The following TCF20 variants were observed in gnomAD, a reference collection of about 807,000 sequenced individuals.
TCF20 encodes the protein SPRE-binding protein.
In TCF20, 3 loss-of-function variants were observed where a neutral mutation model predicts 148.6. That is an observed-to-expected ratio of 0.02 (90% CI 0.01 to 0.05). TCF20 has a LOEUF of 0.05. TCF20 is among the 10% of genes least tolerant of loss of function. The pLI is 1.00. For synonymous variants in TCF20, 1,049 were observed against 909.5 expected, an observed-to-expected ratio of 1.15 and a Z score of -2.76; for missense variants, 2,350 against 2,429.3, an observed-to-expected ratio of 0.97 and a Z score of 0.69.
chr22:42,230,828 A>T (rs1414580376), intron 1 of TCF20, among the ~76,000 whole-genome samples: 1 of 152,192 alleles, frequency 6.6e-6, no homozygotes, highest in Admixed American at 6.5e-5. Context: ...AGTTTTTAAC[A>T]AAAGTGTTTA....
chr22:42,321,946 TAAAA>T (rs201888819), intron 1 of TCF20, among the ~76,000 whole-genome samples: 3 of 138,540 alleles, frequency 2.2e-5, no homozygotes, highest in African/African-American at 7.9e-5. Flanking sequence ...GACTCCATCT[TAAAA>T]AAAAAAAAAG....
At chr22:42,336,691 C>T (rs1374687432) in intron 1 of TCF20, among the ~76,000 whole-genome samples, 3 of 152,196 alleles carry the variant, frequency 2.0e-5, no homozygotes, top group Non-Finnish European at 4.4e-5. Context: ...CCACCATACT[C>T]CAGCCACAAT....
At position 42,323,467 on chromosome 22, in the gene TCF20, G is replaced by A. The variant is rs546592940; in HGVS notation, c.-37+20012C>T. Among the ~76,000 whole-genome samples, 3 of 151,892 alleles carry A rather than the reference G, an allele frequency of 2.0e-5. 1 individual carries two copies. Among genetic ancestry groups the A allele is most frequent in the Admixed American group, 6.6e-5 (1 of 15,234 alleles). On this transcript the variant is annotated intron_variant, in intron 1 of 1. Transcript: ENST00000515426. Reference sequence around the variant, plus strand: ...GGGCACCTGTCAGCTGAGGGAACAGGAGGACGGTGGAAGAGATGGGAGTGC... The same window carrying A: ...GGGCACCTGTCAGCTGAGGGAACAGAAGGACGGTGGAAGAGATGGGAGTGC...
intron 1 of TCF20, among the ~76,000 whole-genome samples, chr22:42,309,522 T>G (rs1927494651): frequency 1.4e-5 from 2 of 146,560 alleles, no homozygotes; most frequent in Non-Finnish European, 3.0e-5. Flanking sequence ...TCGCCCCCGC[T>G]GCCCCAGGCT....
upstream of TCF20, among the ~76,000 whole-genome samples, chr22:42,288,518 G>C (rs1927072726): frequency 1.6e-5 from 2 of 126,596 alleles, no homozygotes; most frequent in Admixed American, 1.9e-4. Context: ...CCTGGCAATA[G>C]AGCAAGACTC....
rs1927476029 is a variant in TCF20, at chr22:42,308,546, C to A, written c.-37+34933G>T. 2.0e-5 allele frequency among the ~76,000 whole-genome samples: 3 copies of A among 152,126 alleles called. No homozygotes were observed. The South Asian group carries it at 6.2e-4, about 32-fold the overall frequency. ...AAGCACCCTAGGTGAAGCCACGAAT[C>A]CAACCCCAGAGTCTGGGCTTTACCT... On this transcript the variant is annotated intron_variant, in intron 1 of 1. Coordinates refer to the TCF20 transcript ENST00000515426.
At chr22:42,237,772 G>A (rs1924014223) in intron 1 of TCF20, among the ~76,000 whole-genome samples, 1 of 152,218 alleles carries the variant, frequency 6.6e-6, no homozygotes, top group Non-Finnish European at 1.5e-5. Context: ...GCTCTTAGGT[G>A]ACCAGGTATA....
chr22:42,259,105 TTCC>T (rs1925898976), intron 1 of TCF20, among the ~76,000 whole-genome samples: 1 of 152,202 alleles, frequency 6.6e-6, no homozygotes, highest in Non-Finnish European at 1.5e-5. Context: ...CGAAAAAGTC[TTCC>T]CTGGTTCCAT....
chr22:42,296,795 G>A (rs1210712747), intron 1 of TCF20, among the ~76,000 whole-genome samples: 1 of 152,244 alleles, frequency 6.6e-6, no homozygotes, highest in African/African-American at 2.4e-5. Flanking sequence ...ACGCTGCAGG[G>A]GGACCCAGGA....
chr22:42,246,230 G>A (rs935701513), intron 1 of TCF20, among the ~76,000 whole-genome samples: 10 of 152,082 alleles, frequency 6.6e-5, no homozygotes, highest in African/African-American at 2.4e-4. Flanking sequence ...CTCAGCCTCC[G>A]TGTAGCTGGC....
chr22:42,229,836 C>G (rs1253651062), intron 1 of TCF20, among the ~76,000 whole-genome samples: 2 of 152,156 alleles, frequency 1.3e-5, no homozygotes, highest in Non-Finnish European at 2.9e-5. Context: ...GTCCATACAC[C>G]ATTACCTGGT....
Position 42,211,868 on chromosome 22 carries a change from G to T in TCF20, c.3438C>A (p.Gly1146=), listed in dbSNP as rs1287462969. The change falls in exon 2 of 6, where the codon GGC becomes GGA. Residue 1146 remains glycine (G), a synonymous_variant. Transcript: ENST00000677622. ...GGTCATGGTAAGTCCCCACTGGTGG[G>T]CCATACATCATACCATCTTTGTCAT... ...LKNDKDGMMY[G]PPVGTYHDPS... 6.2e-7 allele frequency: 1 copy of T among 1,614,024 alleles called. No homozygotes were observed. The highest frequency in any genetic ancestry group is 2.2e-5 in the East Asian group (1 of 44,886).
intron 3 of TCF20, among the ~76,000 whole-genome samples, chr22:42,176,081 C>T (rs865851849): frequency 2.0e-5 from 3 of 152,342 alleles, no homozygotes; most frequent in Middle Eastern, 3.4e-3. Context: ...CAGGTGTGAG[C>T]CACCACACCT....
chr22:42,325,468 C>T lies in TCF20; in HGVS notation c.-37+18011G>A, dbSNP rs79856524. Among the ~76,000 whole-genome samples the T allele has an allele frequency of 1.0e-2, 1,518 of 152,340 alleles. 14 individuals are homozygous for T. Among genetic ancestry groups the T allele is most frequent in the Non-Finnish European group, 0.016 (1,061 of 68,020 alleles). On this transcript the variant is annotated intron_variant, in intron 1 of 1. Coordinates refer to the TCF20 transcript ENST00000515426. ...CCTGCCCAGTAAACCCTGATTTCCT[C>T]CCCCAAGAGGCAGGGCTGGCACCAG...
chr22:42,161,283 C>T lies in TCF20; in HGVS notation c.*120G>A, dbSNP rs1601495547. ...GCGGGCGGGGCGGGGCGGGGCAGGG[C>T]AGGGTGTGGCTGCACGGTAGGACGA... On this transcript the variant is annotated 3_prime_UTR_variant, in exon 6 of 6. Coordinates refer to ENST00000677622, the MANE Select transcript of TCF20 (RefSeq NM_001378418.1). 1.2e-6 allele frequency: 2 copies of T among 1,610,384 alleles called. No homozygotes were observed. Among genetic ancestry groups the T allele is most frequent in the South Asian group, 1.1e-5 (1 of 90,966 alleles).
chr22:42,230,901 G>A (rs139193371), intron 1 of TCF20, among the ~76,000 whole-genome samples: 3,238 of 152,174 alleles, frequency 0.021, 133 homozygotes, highest in African/African-American at 0.074. Flanking sequence ...GCTCACGTCT[G>A]TAATCCCAGT....
In TCF20 at chr22:42,214,608, T is replaced by C. The variant is rs1397516449; in HGVS notation, c.698A>G (p.Gln233Arg). ...GYQLRVGQFG[Q>R]HYQSSASSSS... is the part of the protein sequence containing the mutation. Reference sequence around the variant, plus strand: ...GGAGGAAGCAGAAGACTGATAGTGTTGGCCAAACTGACCCACTCTTAACTG... The same window carrying C: ...GGAGGAAGCAGAAGACTGATAGTGTCGGCCAAACTGACCCACTCTTAACTG... Residue 233 changes from glutamine (Q) to arginine (R), a missense_variant, in exon 2 of 6, where the codon CAA becomes CGA. This residue lies in a region of TCF20 where 1,641 missense variants were observed against 1,662.6 expected (regional missense o/e 0.99). Transcript: ENST00000677622. The C allele has an allele frequency of 1.9e-6, 3 of 1,614,094 alleles. No individual in the cohort carries two copies. The South Asian group carries it at 3.3e-5, about 18-fold the overall frequency.
At chr22:42,183,517 G>A (rs1037607785) in intron 2 of TCF20, among the ~76,000 whole-genome samples, 3 of 152,176 alleles carry the variant, frequency 2.0e-5, no homozygotes, top group African/African-American at 4.8e-5. Flanking sequence ...TGGAAGATGG[G>A]AGAAGGGACA....
Position 42,210,575 on chromosome 22 carries a change from T to G in TCF20, c.4731A>C (p.Pro1577=), listed in dbSNP as rs1443612454. The G allele has an allele frequency of 1.6e-5, 26 of 1,614,050 alleles. No individual in the cohort carries two copies. Among genetic ancestry groups the G allele is most frequent in the Non-Finnish European group, 2.0e-5 (24 of 1,180,046 alleles). The change falls in exon 2 of 6, where the codon CCA becomes CCC. Residue 1577 remains proline (P), a synonymous_variant. Coordinates refer to ENST00000677622, the MANE Select transcript of TCF20 (RefSeq NM_001378418.1). This position sits in a 1 kb window ranked among gnomAD's most constrained non-coding sequence, Gnocchi z 4.7. ...TCTCCCTCCTTTGCCTCTGTTTTTT[T>G]GGCTTTGGCTCTCCATCTGCAGAAC... ...PEGSADGEPK[P]KKQRQRRERR...
Sources: gnomAD v4.1 joint callset for allele counts (sites outside exome capture counted in the v4.1 genomes callset) on GRCh38, gnomAD v4.1.1 for gene constraint, gnomAD v4.1.1 regional missense constraint, Gnocchi (gnomAD v3.1) non-coding constraint, MANE v1.5 for transcripts, NCBI Gene and HGNC (gene_info 2026-07-23, HGNC 2026-07-21) for gene names.